NRG2: variants seen among roughly 807,000 people sequenced by gnomAD.
The protein encoded by NRG2 is pro-neuregulin-2, membrane-bound isoform.
A neutral mutation model predicts 73.9 loss-of-function variants in NRG2; 27 were observed. That is an observed-to-expected ratio of 0.37 (90% CI 0.27 to 0.50). The LOEUF is 0.50. Ranked by LOEUF, NRG2 falls within the 20% of genes least tolerant of loss-of-function variation. The pLI, the probability that NRG2 is intolerant of heterozygous loss-of-function variation, is 0.96. For missense variants in NRG2, 1,126 were observed against 1,210.1 expected, an observed-to-expected ratio of 0.93 and a Z score of 1.03; for synonymous variants, 532 against 541.0, an observed-to-expected ratio of 0.98 and a Z score of 0.23.
Position 140,043,247 on chromosome 5 carries a change from A to C in NRG2, c.-178T>G. 2 of 610,960 alleles carry C rather than the reference A, an allele frequency of 3.3e-6. No individual in the cohort carries two copies. The highest frequency in any genetic ancestry group is 2.7e-6 in the Non-Finnish European group (1 of 364,000). The allele number at this position is 610,960 out of a possible 1,614,324, so 37.8% of individuals were successfully genotyped here. ...AGGCGGCAAGCGGGCCGCGATGCGC[A>C]GCGCGGCGCAGCGCAGCGCTCCCAC... On this transcript the variant is annotated 5_prime_UTR_variant, in exon 1 of 10. Coordinates refer to ENST00000361474, the MANE Select transcript of NRG2 (RefSeq NM_004883.3). The surrounding 1 kb of genome is among the most constrained non-coding windows in gnomAD (Gnocchi z 6.7).
intron 1 of NRG2, among the ~76,000 whole-genome samples, chr5:140,017,776 T>C (rs140596459): frequency 0.01 from 1,546 of 152,078 alleles, 16 homozygotes; most frequent in South Asian, 0.06. Flanking sequence ...AAGAGAAAGA[T>C]AGGTAGTAAT....
chr5:139,955,854 A>C (rs1038206414), intron 1 of NRG2, among the ~76,000 whole-genome samples: 3 of 152,062 alleles, frequency 2.0e-5, no homozygotes, highest in African/African-American at 7.2e-5. Context: ...CTCCAGGGGG[A>C]GTCCCAGGCC....
intron 6 of NRG2, among the ~76,000 whole-genome samples, chr5:139,854,629 C>T (rs1046667352): frequency 6.6e-6 from 1 of 152,320 alleles, no homozygotes; most frequent in East Asian, 1.9e-4. Context: ...TGGATTCATT[C>T]AAGACAAGGC....
intron 1 of NRG2, among the ~76,000 whole-genome samples, chr5:139,988,444 T>C (rs1234390380): frequency 6.6e-6 from 1 of 151,868 alleles, no homozygotes; most frequent in Non-Finnish European, 1.5e-5. Flanking sequence ...AACCAGTAAA[T>C]GAAATATTCA....
At chr5:140,005,780 G>A (rs1758848671) in intron 1 of NRG2, among the ~76,000 whole-genome samples, 1 of 152,156 alleles carries the variant, frequency 6.6e-6, no homozygotes, top group Non-Finnish European at 1.5e-5. Context: ...TTTCAGCATG[G>A]CTCTTTTGCC....
chr5:139,877,353 G>C (rs1387998356), intron 3 of NRG2, among the ~76,000 whole-genome samples: 2 of 152,232 alleles, frequency 1.3e-5, no homozygotes, highest in Non-Finnish European at 2.9e-5. Flanking sequence ...AAGAGCCAAA[G>C]TGATGCCACC....
chr5:139,990,140 G>C (rs939811159), intron 1 of NRG2, among the ~76,000 whole-genome samples: 8 of 151,884 alleles, frequency 5.3e-5, no homozygotes, highest in Admixed American at 1.3e-4. Flanking sequence ...TGTGATCCAT[G>C]TCTCTTATTG....
rs1054321550 is a variant in NRG2, at chr5:139,962,292, G to A, written c.701-74781C>T. On this transcript the variant is annotated intron_variant, in intron 1 of 9. Coordinates refer to ENST00000361474, the MANE Select transcript of NRG2 (RefSeq NM_004883.3). Reference sequence around the variant, plus strand: ...CTAAAGAGAGCATAGAAAGAGGGAGGCTGTGTTGGAGACAAACTATGGAGG... The same window carrying A: ...CTAAAGAGAGCATAGAAAGAGGGAGACTGTGTTGGAGACAAACTATGGAGG... Among the ~76,000 whole-genome samples, 3 of 152,166 alleles carry A rather than the reference G, an allele frequency of 2.0e-5. No homozygotes were observed. In the South Asian group the frequency reaches 6.2e-4, roughly 32 times the overall value.
intron 2 of NRG2, among the ~76,000 whole-genome samples, chr5:139,882,357 G>A (rs1221846684): frequency 1.3e-5 from 2 of 152,162 alleles, no homozygotes; most frequent in Non-Finnish European, 1.5e-5. Flanking sequence ...TTACCCCAAG[G>A]TCCTCCCAAC....
At chr5:139,941,266 G>C (rs1156535956) in intron 1 of NRG2, among the ~76,000 whole-genome samples, 3 of 151,772 alleles carry the variant, frequency 2.0e-5, no homozygotes, top group African/African-American at 7.3e-5. Flanking sequence ...GTGGGTATTT[G>C]CACAAGACAA....
intron 1 of NRG2, among the ~76,000 whole-genome samples, chr5:140,021,013 G>T (rs959665370): frequency 6.6e-6 from 1 of 152,184 alleles, no homozygotes; most frequent in Non-Finnish European, 1.5e-5. Context: ...ACTGTGAGTA[G>T]GTTATGCAAA....
chr5:139,976,566 A>T (rs1756399543), intron 1 of NRG2, among the ~76,000 whole-genome samples: 1 of 152,162 alleles, frequency 6.6e-6, no homozygotes, highest in Non-Finnish European at 1.5e-5. Flanking sequence ...CCTCCTCCCC[A>T]ATTTTCCCAC....
At position 139,997,545 on chromosome 5, in the gene NRG2, G is replaced by T. The variant is rs531426554; in HGVS notation, c.700+44825C>A. 9.2e-5 allele frequency among the ~76,000 whole-genome samples: 14 copies of T among 152,338 alleles called. No individual in the cohort carries two copies. The East Asian group carries it at 2.7e-3, about 29-fold the overall frequency. ...GAGCAAAGGTCAACAATACAGGTCT[G>T]CCCCCAAAGGTTAAGGGAAGACACC... On this transcript the variant is annotated intron_variant, in intron 1 of 9. Coordinates refer to ENST00000361474, the MANE Select transcript of NRG2 (RefSeq NM_004883.3).
intron 1 of NRG2, among the ~76,000 whole-genome samples, chr5:139,984,692 C>G (rs1757038876): frequency 6.6e-6 from 1 of 152,158 alleles, no homozygotes; most frequent in Non-Finnish European, 1.5e-5. Context: ...TTTCTCACAA[C>G]AGCCACTGTC....
intron 1 of NRG2, among the ~76,000 whole-genome samples, chr5:139,905,863 A>G (rs1258191526): frequency 2.0e-5 from 3 of 151,906 alleles, no homozygotes; most frequent in African/African-American, 7.3e-5. Flanking sequence ...TCAGTTTCCA[A>G]AATGGCATTC....
intron 2 of NRG2, 49 bp from the exon 3 acceptor site, chr5:139,881,023 T>G (rs764865941): frequency 9.2e-5 from 139 of 1,513,512 alleles, no homozygotes; most frequent in Non-Finnish European, 1.3e-4. Context: ...CAGGGCCGGC[T>G]GTGGCTCCCC....
intron 1 of NRG2, among the ~76,000 whole-genome samples, chr5:139,944,842 T>C (rs189590595): frequency 4.8e-4 from 73 of 152,290 alleles, no homozygotes; most frequent in Middle Eastern, 3.4e-3. Flanking sequence ...CTGTTTTCCA[T>C]AGTGGCTGTA....
intron 1 of NRG2, among the ~76,000 whole-genome samples, chr5:139,925,839 A>G (rs796073429): frequency 3.0e-4 from 46 of 152,214 alleles, no homozygotes; most frequent in Admixed American, 9.1e-4. Flanking sequence ...ATCCTCCTTC[A>G]CCTGCCTGGC....
At chr5:140,002,606 G>T (rs1490861668) in intron 1 of NRG2, among the ~76,000 whole-genome samples, 1 of 152,204 alleles carries the variant, frequency 6.6e-6, no homozygotes, top group Non-Finnish European at 1.5e-5. Flanking sequence ...AAGGGAGAAC[G>T]TAGGAGCCGG....
Sources: gnomAD v4.1 joint callset for allele counts (sites outside exome capture counted in the v4.1 genomes callset) on GRCh38, gnomAD v4.1.1 for gene constraint, Gnocchi (gnomAD v3.1) non-coding constraint, MANE v1.5 for transcripts, NCBI Gene and HGNC (gene_info 2026-07-23, HGNC 2026-07-21) for gene names.